NRG3: variants seen among roughly 807,000 people sequenced by gnomAD.
NRG3 encodes the protein neuregulin 3.
A neutral mutation model predicts 66.9 loss-of-function variants in NRG3; 31 were observed. The observed-to-expected ratio is 0.46, with a 90% confidence interval of 0.35 to 0.63. The LOEUF (loss-of-function observed/expected upper bound fraction) is 0.63, where lower values mean the gene tolerates loss of function less well. Ranked by LOEUF, NRG3 falls within the 20% of genes least tolerant of loss-of-function variation. The probability of loss-of-function intolerance (pLI) is 0.00; values close to 1 mark genes in which losing one functional copy is unlikely to be tolerated. For synonymous variants in NRG3, 393 were observed against 359.4 expected, an observed-to-expected ratio of 1.09 and a Z score of -1.06; for missense variants, 910 against 878.9, an observed-to-expected ratio of 1.04 and a Z score of -0.45.
intron 2 of NRG3, among the ~76,000 whole-genome samples, chr10:82,394,121 C>T (rs1411371675): frequency 6.6e-6 from 1 of 152,144 alleles, no homozygotes; most frequent in African/African-American, 2.4e-5. Flanking sequence ...TGCTATTTCT[C>T]CAACATGCTG....
chr10:82,148,772 C>T, intron 1 of NRG3, among the ~76,000 whole-genome samples: 1 of 92,668 alleles, frequency 1.1e-5, no homozygotes, highest in East Asian at 3.3e-4. Flanking sequence ...CCCTTACAAT[C>T]CCCAAAGATG....
At chr10:82,030,699 GAA>G (rs397697434) in intron 1 of NRG3, among the ~76,000 whole-genome samples, 3 of 142,494 alleles carry the variant, frequency 2.1e-5, no homozygotes, top group Admixed American at 7.0e-5. Flanking sequence ...GTCTAATTTG[GAA>G]AAAAAAAAAA....
rs1490839954 is a variant in NRG3, at chr10:82,985,591, G to A, written c.2077G>A (p.Ala693Thr). ...VLRNEIQRDS[A>T]LTK is the part of the protein sequence containing the mutation. ...AAGAAATGAAATACAAAGAGACTCTGCATTGACCAAGTGACTTGAGATGTA... is the reference window on the plus strand; with the variant it reads ...AAGAAATGAAATACAAAGAGACTCTACATTGACCAAGTGACTTGAGATGTA... Residue 693 changes from alanine to threonine, a missense_variant, in exon 9 of 9, where the codon GCA (alanine) becomes ACA (threonine). Coordinates refer to ENST00000372141, the MANE Select transcript of NRG3 (RefSeq NM_001010848.4). 3.7e-6 allele frequency: 6 copies of A among 1,611,620 alleles called. No homozygotes were observed. Among genetic ancestry groups the A allele is most frequent in the Middle Eastern group, 1.7e-4 (1 of 6,056 alleles).
At chr10:82,015,465 C>A (rs888996273) in intron 1 of NRG3, among the ~76,000 whole-genome samples, 6 of 152,160 alleles carry the variant, frequency 3.9e-5, no homozygotes, top group African/African-American at 1.4e-4. Context: ...ATTGTAATCC[C>A]CATAATCCCT....
At chr10:82,206,982 C>T (rs1471182799) in intron 1 of NRG3, among the ~76,000 whole-genome samples, 1 of 152,170 alleles carries the variant, frequency 6.6e-6, no homozygotes, top group Non-Finnish European at 1.5e-5. Context: ...TAGTTGACTG[C>T]TGTGACTCAT....
intron 1 of NRG3, among the ~76,000 whole-genome samples, chr10:81,975,796 G>A (rs2060103711): frequency 6.6e-6 from 1 of 152,120 alleles, no homozygotes; most frequent in South Asian, 2.1e-4. Flanking sequence ...TAATCAGCTG[G>A]CCTTAAGATA....
chr10:82,359,000 A>C lies in NRG3; in HGVS notation c.953+132A>C, dbSNP rs1179219063. 5 of 1,299,014 alleles carry C rather than the reference A, an allele frequency of 3.8e-6. No homozygotes were observed. The East Asian group carries it at 1.2e-4, about 32-fold the overall frequency. 80.5% of individuals were successfully genotyped at this position (1,299,014 alleles called of 1,614,324 possible). ...CCACCGTTTGAATAGCAGAATTGCG[A>C]GTCTTAATTTGGAAAGGGCAAGGCT... On this transcript the variant is annotated intron_variant, in intron 2 of 8. Coordinates refer to ENST00000372141, the MANE Select transcript of NRG3 (RefSeq NM_001010848.4).
At chr10:81,961,529 T>G (rs933892818) in intron 1 of NRG3, among the ~76,000 whole-genome samples, 4 of 152,232 alleles carry the variant, frequency 2.6e-5, no homozygotes, top group African/African-American at 9.6e-5. Flanking sequence ...ACTTCACACA[T>G]CTCTCAATTT....
At chr10:82,474,362 A>G (rs1182117496) in intron 2 of NRG3, among the ~76,000 whole-genome samples, 1 of 152,160 alleles carries the variant, frequency 6.6e-6, no homozygotes, top group Non-Finnish European at 1.5e-5. Context: ...ATGGATGACT[A>G]AAATAAATCA....
At chr10:82,635,326 A>G (rs1048637981) in intron 2 of NRG3, among the ~76,000 whole-genome samples, 1 of 152,168 alleles carries the variant, frequency 6.6e-6, no homozygotes, top group African/African-American at 2.4e-5. Context: ...CAGCTTGACT[A>G]AAGTTCTAAA....
intron 1 of NRG3, among the ~76,000 whole-genome samples, chr10:82,283,746 G>A (rs1319705935): frequency 2.0e-5 from 3 of 152,082 alleles, no homozygotes; most frequent in African/African-American, 7.2e-5. Context: ...TTGTGTCTCC[G>A]TGTTCTACCA....
At chr10:82,265,992 G>A (rs553114851) in intron 1 of NRG3, among the ~76,000 whole-genome samples, 202 of 152,040 alleles carry the variant, frequency 1.3e-3, no homozygotes, top group Non-Finnish European at 2.2e-3. Context: ...GTTCTTAGGC[G>A]CCAATTGATT....
intron 1 of NRG3, among the ~76,000 whole-genome samples, chr10:82,074,262 G>A (rs550971004): frequency 5.3e-5 from 8 of 152,214 alleles, no homozygotes; most frequent in African/African-American, 1.7e-4. Flanking sequence ...GCTCAGGGAT[G>A]AGTATCTGGA....
chr10:82,834,496 C>T (rs75054254), intron 3 of NRG3, among the ~76,000 whole-genome samples: 1,562 of 152,194 alleles, frequency 0.01, 80 homozygotes, highest in Admixed American at 0.076. Flanking sequence ...CAAATAAAGA[C>T]GGCCAACAAT....
intron 2 of NRG3, among the ~76,000 whole-genome samples, chr10:82,723,415 T>C (rs1349392115): frequency 6.6e-6 from 1 of 152,186 alleles, no homozygotes; most frequent in Non-Finnish European, 1.5e-5. Context: ...AATCTCAGCA[T>C]CATGCAAAAT....
At position 82,946,007 on chromosome 10, in the gene NRG3, G is replaced by A. The variant is rs577464293; in HGVS notation, c.1055-5462G>A. The stretch of plus-strand genomic sequence containing the variant: ...GATGTAACATGAACAATTCTGTAAA[G>A]ACAGAAATATGCATTTGTTAATTCA... On this transcript the variant is annotated intron_variant, in intron 4 of 8. Transcript: ENST00000372141. Among the ~76,000 whole-genome samples, 8 of 152,130 alleles carry A rather than the reference G, an allele frequency of 5.3e-5. No individual in the cohort carries two copies. The South Asian group carries it at 1.7e-3, about 32-fold the overall frequency.
At chr10:82,981,535 G>A (rs1298962308) in intron 8 of NRG3, among the ~76,000 whole-genome samples, 3 of 152,182 alleles carry the variant, frequency 2.0e-5, no homozygotes, top group Non-Finnish European at 4.4e-5. Context: ...GCCTGGAGGA[G>A]GGGGAAATGA....
intron 2 of NRG3, among the ~76,000 whole-genome samples, chr10:82,387,403 G>A (rs907902959): frequency 2.0e-5 from 3 of 152,196 alleles, no homozygotes; most frequent in African/African-American, 7.2e-5. Context: ...GGCACTGCCA[G>A]GCTGGTTGGT....
intron 2 of NRG3, among the ~76,000 whole-genome samples, chr10:82,454,224 A>T (rs1317825525): frequency 6.6e-6 from 1 of 152,182 alleles, no homozygotes; most frequent in African/African-American, 2.4e-5. Flanking sequence ...CCTCTGAGAT[A>T]TGGCTCTCCC....
Sources: gnomAD v4.1 joint callset for allele counts (sites outside exome capture counted in the v4.1 genomes callset) on GRCh38, gnomAD v4.1.1 for gene constraint, MANE v1.5 for transcripts, NCBI Gene and HGNC (gene_info 2026-07-23, HGNC 2026-07-21) for gene names.